The following DNAJC3 variants were observed in gnomAD, a reference collection of about 807,000 sequenced individuals.
DNAJC3 encodes DnaJ heat shock protein family (Hsp40) member C3.
DNAJC3 carries 38 observed loss-of-function variants against 68.6 expected under a neutral mutation model. The ratio of observed to expected loss-of-function variants is 0.55; its 90% CI spans 0.43 to 0.73. The LOEUF is 0.73. DNAJC3 is among the 30% of genes least tolerant of loss of function. The pLI is 0.00. For missense variants in DNAJC3, 526 were observed against 591.9 expected, an observed-to-expected ratio of 0.89 and a Z score of 1.16; for synonymous variants, 203 against 204.0, an observed-to-expected ratio of 1.00 and a Z score of 0.04.
At chr13:95,704,851 G>GTTTTTTTGTTTTTTTTTTTTTT (rs1437981663) in intron 1 of DNAJC3, among the ~76,000 whole-genome samples, 3 of 97,860 alleles carry the variant, frequency 3.1e-5, no homozygotes, top group African/African-American at 1.2e-4. Flanking sequence ...GTGTGTGTGT[G>GTTTTTTTGTTTTTTTTTTTTTT]TTTTTTTTTT....
At chr13:95,781,910 CCATCATCT>C (rs1341699730) in intron 9 of DNAJC3, among the ~76,000 whole-genome samples, 3 of 151,872 alleles carry the variant, frequency 2.0e-5, no homozygotes, top group African/African-American at 7.3e-5. Context: ...ACCCATCAAC[CCATCATCT>C]ACATTAGGTA....
intron 1 of DNAJC3, among the ~76,000 whole-genome samples, chr13:95,707,685 GT>G (rs551248567): frequency 1.4e-4 from 21 of 152,244 alleles, no homozygotes; most frequent in East Asian, 5.8e-4. Flanking sequence ...GAAAGGGGAA[GT>G]TTAATCTAAG....
chr13:95,696,189 G>A (rs558861044), intron 1 of DNAJC3, among the ~76,000 whole-genome samples: 14 of 152,254 alleles, frequency 9.2e-5, no homozygotes, highest in Admixed American at 3.3e-4. Flanking sequence ...TAGTGCATAC[G>A]TTCATTCACT....
Position 95,709,304 on chromosome 13 carries a change from G to A in DNAJC3, c.160G>A (p.Ala54Thr). The change falls in exon 2 of 12, where the codon GCT becomes ACT. Residue 54 changes from alanine (A) to threonine (T), a missense_variant. Ala to Thr is a moderately conservative substitution (Grantham distance 58). Transcript: ENST00000602402. Reference sequence around the variant, plus strand: ...GAAATTACTTGCAGCTGGACAGCTAGCTGATGCTTTATCTCAGTTTCATGC... The same window carrying A: ...GAAATTACTTGCAGCTGGACAGCTAACTGATGCTTTATCTCAGTTTCATGC... ...GKKLLAAGQL[A>T]DALSQFHAAV... The A allele has an allele frequency of 6.3e-7, 1 of 1,589,354 alleles. No homozygotes were observed. The highest frequency in any genetic ancestry group is 8.6e-7 in the Non-Finnish European group (1 of 1,169,066).
At chr13:95,725,279 G>C in intron 4 of DNAJC3, 27 bp downstream of exon 4, 1 of 1,518,194 alleles carries the variant, frequency 6.6e-7, no homozygotes, top group Non-Finnish European at 8.9e-7. Context: ...TTTGACTCTA[G>C]GAAGATGTTA....
At chr13:95,696,025 C>A (rs1468328891) in intron 1 of DNAJC3, among the ~76,000 whole-genome samples, 2 of 152,190 alleles carry the variant, frequency 1.3e-5, no homozygotes, top group Non-Finnish European at 2.9e-5. Context: ...ATAGTACATA[C>A]ACACATAACC....
In DNAJC3 at chr13:95,794,977, G is replaced by A. The variant is rs1282912263; in HGVS notation, c.*3947G>A. On this transcript the variant is annotated 3_prime_UTR_variant, in exon 12 of 12. Transcript: ENST00000602402. ...TTCACATTTAATAAAAATATTTATG[G>A]TCATATCAGTATTTCCTTGCTTTTG... is the stretch of plus-strand genomic sequence containing the variant. 2.0e-5 allele frequency: 3 copies of A among 152,086 alleles called. No homozygotes were observed. Among genetic ancestry groups the A allele is most frequent in the Admixed American group, 1.3e-4 (2 of 15,268 alleles). 9.4% of individuals were successfully genotyped at this position (152,086 alleles called of 1,614,324 possible). A position where few individuals can be genotyped will look rare whatever the true frequency, so the allele number is the denominator to read the frequency against.
chr13:95,695,753 A>G (rs1049540156), intron 1 of DNAJC3: 22 of 152,234 alleles, frequency 1.4e-4, no homozygotes, highest in African/African-American at 4.6e-4. Flanking sequence ...TAAACCAGAA[A>G]TGGAGAGTCT....
Position 95,760,577 on chromosome 13 carries a change from T to A in DNAJC3, c.729-102T>A, listed in dbSNP as rs573063322. 7 of 1,445,168 alleles carry A rather than the reference T, an allele frequency of 4.8e-6. No homozygotes were observed. In the East Asian group the frequency reaches 1.7e-4, roughly 34 times the overall value. The allele number at this position is 1,445,168 out of a possible 1,614,324, so 89.5% of individuals were successfully genotyped here. On this transcript the variant is annotated intron_variant, in intron 6 of 11. Transcript: ENST00000602402. ...TATAAGTCTCAGTATGGTTTTTGTT[T>A]AATCGTTGCAAACAAAAAATACTTT...
At chr13:95,747,017 G>A (rs957300656) in intron 4 of DNAJC3, among the ~76,000 whole-genome samples, 15 of 152,070 alleles carry the variant, frequency 9.9e-5, no homozygotes, top group Admixed American at 3.3e-4. Flanking sequence ...TTGGGCTTAC[G>A]TGGATAATAT....
chr13:95,685,099 A>G (rs904278402), intron 1 of DNAJC3, among the ~76,000 whole-genome samples: 1 of 152,248 alleles, frequency 6.6e-6, no homozygotes, highest in African/African-American at 2.4e-5. Flanking sequence ...CCAGAATGGT[A>G]GATCCGCTGA....
chr13:95,759,241 T>C (rs1356225598), intron 5 of DNAJC3, among the ~76,000 whole-genome samples: 2 of 152,152 alleles, frequency 1.3e-5, no homozygotes, highest in Non-Finnish European at 2.9e-5. Context: ...GTATTTTTTC[T>C]TTCTTTCTTT....
At chr13:95,697,409 T>C (rs1334325328) in intron 1 of DNAJC3, among the ~76,000 whole-genome samples, 1 of 152,214 alleles carries the variant, frequency 6.6e-6, no homozygotes, top group Non-Finnish European at 1.5e-5. Flanking sequence ...CTTAATCTGA[T>C]GGGATTCCCT....
rs747044496 is a variant in DNAJC3 at position 95,712,620 on chromosome 13, C to T, written c.193+3283C>T. Among the ~76,000 whole-genome samples, 10 of 152,090 alleles carry T rather than the reference C, an allele frequency of 6.6e-5. 1 individual carries two copies. The South Asian group carries it at 1.0e-3, about 16-fold the overall frequency. On this transcript the variant is annotated intron_variant, in intron 2 of 11. Transcript: ENST00000602402. Reference sequence around the variant, plus strand: ...TTGAACTTCCTGACCTCAAGTCATCCACCCGCCTCCCAAAGAGCTGGGATT... The same window carrying T: ...TTGAACTTCCTGACCTCAAGTCATCTACCCGCCTCCCAAAGAGCTGGGATT...
intron 1 of DNAJC3, among the ~76,000 whole-genome samples, chr13:95,708,286 G>A (rs73550551): frequency 0.017 from 2,602 of 152,296 alleles, 80 homozygotes; most frequent in African/African-American, 0.06. Context: ...TGCAGGTACC[G>A]AAGGATGAAT....
At chr13:95,745,980 G>A (rs998476714) in intron 4 of DNAJC3, among the ~76,000 whole-genome samples, 2 of 152,198 alleles carry the variant, frequency 1.3e-5, no homozygotes, top group Non-Finnish European at 2.9e-5. Context: ...AGGGGCAGAG[G>A]ACTGCTATAT....
intron 1 of DNAJC3, among the ~76,000 whole-genome samples, chr13:95,704,849 G>GT (rs1292968162): frequency 1.9e-5 from 2 of 102,884 alleles, no homozygotes; most frequent in African/African-American, 1.5e-4. Context: ...CTGTGTGTGT[G>GT]TGTTTTTTTT....
chr13:95,763,891 A>G lies in DNAJC3; in HGVS notation c.1013A>G (p.Asp338Gly). 6 of 1,614,126 alleles carry G rather than the reference A, an allele frequency of 3.7e-6. No homozygotes were observed. In the South Asian group the frequency reaches 4.4e-5, roughly 12 times the overall value. The change falls in exon 9 of 12, where the codon GAC becomes GGC. Residue 338 changes from aspartate to glycine, a missense_variant. Asp to Gly is a moderately conservative substitution (Grantham distance 94, BLOSUM62 -1). Coordinates refer to ENST00000602402, the MANE Select transcript of DNAJC3 (RefSeq NM_006260.5). Reference protein sequence around the residue: ...VCSEVLQMEPDNVNALKDRAE... With the variant: ...VCSEVLQMEPGNVNALKDRAE... ...TCTGAAGTTTTACAGATGGAACCTG[A>G]CAATGTGAATGCCCTGAAAGATCGA...
intron 2 of DNAJC3, among the ~76,000 whole-genome samples, chr13:95,711,224 C>T (rs745734968): frequency 5.3e-5 from 8 of 152,138 alleles, no homozygotes; most frequent in African/African-American, 9.7e-5. Context: ...CAAGGCTGGG[C>T]ATGGTGGCCC....
Sources: gnomAD v4.1 joint callset for allele counts (sites outside exome capture counted in the v4.1 genomes callset) on GRCh38, gnomAD v4.1.1 for gene constraint, MANE v1.5 for transcripts, NCBI Gene and HGNC (gene_info 2026-07-23, HGNC 2026-07-21) for gene names.